Variants in LRBA observed in about 807,000 individuals in gnomAD.
LRBA encodes LPS responsive beige-like anchor protein.
In LRBA, 176 loss-of-function variants were observed where a neutral mutation model predicts 330.0. That is an observed-to-expected ratio of 0.53 (90% CI 0.47 to 0.60). LRBA has a LOEUF of 0.60. LRBA is among the 20% of genes least tolerant of loss of function. The pLI is 0.00. For synonymous variants in LRBA, 1,230 were observed against 1,193.0 expected (o/e 1.03, Z -0.64); for missense variants, 3,259 against 3,444.8 (o/e 0.95, Z 1.35).
At chr4:150,419,238 GGTGCACATAGGGAAGCTA>G (rs1228439751) in intron 46 of LRBA, among the ~76,000 whole-genome samples, 1 of 152,092 alleles carries the variant, frequency 6.6e-6, no homozygotes, top group Non-Finnish European at 1.5e-5. Context: ...CCCCATGCAT[GGTGCACATAGGGAAGCTA>G]GTCCCTTGGC....
chr4:150,948,351 A>G (rs1478759495), intron 2 of LRBA, among the ~76,000 whole-genome samples: 9 of 152,076 alleles, frequency 5.9e-5, no homozygotes, highest in African/African-American at 2.2e-4. Context: ...CAGTTTTAAC[A>G]AAAGTACAAA....
intron 37 of LRBA, among the ~76,000 whole-genome samples, chr4:150,648,168 A>AAAAAAAAAAAAAAAAAAAAAC (rs1561468379): frequency 1.4e-5 from 2 of 143,318 alleles, no homozygotes; most frequent in Non-Finnish European, 3.1e-5. Context: ...CAAAAAAAAA[A>AAAAAAAAAAAAAAAAAAAAAC]AAAAAAAAAC....
At chr4:150,473,052 C>T (rs775214920) in intron 42 of LRBA, among the ~76,000 whole-genome samples, 15 of 151,910 alleles carry the variant, frequency 9.9e-5, no homozygotes, top group African/African-American at 3.4e-4. Context: ...TTTGAGAAAC[C>T]GCCAAATTGT....
At chr4:150,882,205 A>C (rs1299700504) in intron 17 of LRBA, among the ~76,000 whole-genome samples, 2 of 152,240 alleles carry the variant, frequency 1.3e-5, no homozygotes, top group Non-Finnish European at 2.9e-5. Flanking sequence ...ACCTGAAATT[A>C]TTCTATGAAC....
At chr4:150,592,094 A>C (rs1772917533) in intron 38 of LRBA, among the ~76,000 whole-genome samples, 1 of 139,132 alleles carries the variant, frequency 7.2e-6, no homozygotes, top group Non-Finnish European at 1.5e-5. Context: ...GAGGTAAAGC[A>C]CCTGATCTAC....
intron 36 of LRBA, 102 bp from the exon 37 acceptor site, chr4:150,683,819 A>G: frequency 1.2e-6 from 1 of 823,088 alleles, no homozygotes; most frequent in Non-Finnish European, 1.9e-6. Flanking sequence ...CAAAATTTTA[A>G]ATCTACTTTT....
intron 40 of LRBA, among the ~76,000 whole-genome samples, chr4:150,522,491 G>A (rs1763023587): frequency 6.6e-6 from 1 of 152,152 alleles, no homozygotes; most frequent in African/African-American, 2.4e-5. Context: ...AGAGATCTTT[G>A]AGTCTGCCAC....
At chr4:150,696,424 C>T (rs551018238) in intron 36 of LRBA, among the ~76,000 whole-genome samples, 1 of 152,198 alleles carries the variant, frequency 6.6e-6, no homozygotes, top group South Asian at 2.1e-4. Context: ...CCCTGTGCCT[C>T]GGTTTCCTCA....
intron 40 of LRBA, among the ~76,000 whole-genome samples, chr4:150,528,952 T>C (rs1449157253): frequency 3.3e-5 from 5 of 152,198 alleles, no homozygotes; most frequent in African/African-American, 1.2e-4. Context: ...TGTTTTTCAT[T>C]TGGTATGCAT....
At chr4:150,390,823 C>CT (rs1378903464) in intron 47 of LRBA, among the ~76,000 whole-genome samples, 2 of 152,120 alleles carry the variant, frequency 1.3e-5, no homozygotes, top group African/African-American at 4.8e-5. Flanking sequence ...AGCAATAAGG[C>CT]TAAATAAACT....
At position 150,912,221 on chromosome 4, in the gene LRBA, A is replaced by G. The variant is rs570246709; in HGVS notation, c.1161+1974T>C. On this transcript the variant is annotated intron_variant, in intron 9 of 56. Coordinates refer to ENST00000651943, the MANE Select transcript of LRBA (RefSeq NM_001364905.1). ...TAACCAGGTATATGACCTGTTAGGA[A>G]CAACAGCAAGAAGTGAGCGGTGGGC... 2.0e-3 allele frequency among the ~76,000 whole-genome samples: 298 copies of G among 152,272 alleles called. 3 individuals carry two copies. Among genetic ancestry groups the G allele is most frequent in the African/African-American group, 6.9e-3 (285 of 41,560 alleles).
intron 40 of LRBA, among the ~76,000 whole-genome samples, chr4:150,572,850 T>C (rs983811677): frequency 6.6e-6 from 1 of 152,084 alleles, no homozygotes; most frequent in African/African-American, 2.4e-5. Flanking sequence ...CTGTCACCCA[T>C]TACCCATACT....
intron 36 of LRBA, among the ~76,000 whole-genome samples, chr4:150,732,412 A>G (rs1730569475): frequency 6.6e-6 from 1 of 152,048 alleles, no homozygotes; most frequent in Non-Finnish European, 1.5e-5. Flanking sequence ...TTCTGTTAAC[A>G]ATACAAAAGA....
In LRBA at chr4:150,908,760, G is replaced by A. The variant is rs1042175189; in HGVS notation, c.1259C>T (p.Thr420Met). Residue 420 changes from threonine to methionine, a missense_variant, in exon 10 of 57, where the codon ACG becomes ATG. By Grantham distance (81) the Thr-to-Met change is moderately conservative (BLOSUM62 -1). Coordinates refer to ENST00000651943, the MANE Select transcript of LRBA (RefSeq NM_001364905.1). ...DGKLSSAIAF[T>M]YNPRATDAQL... ...GGCATCTGTAGCCCGTGGATTGTAC[G>A]TGAATGCAATGGCACTAGAGAGTTT... is the stretch of plus-strand genomic sequence containing the variant. The A allele has an allele frequency of 6.2e-6, 10 of 1,613,400 alleles. No individual in the cohort carries two copies. Among genetic ancestry groups the A allele is most frequent in the African/African-American group, 2.7e-5 (2 of 74,916 alleles).
chr4:150,599,283 A>G (rs1179229870), intron 37 of LRBA, 152 bp from the exon 38 acceptor site: 2 of 717,712 alleles, frequency 2.8e-6, no homozygotes, highest in Non-Finnish European at 4.6e-6. Context: ...CCTTTCTGCA[A>G]TCTTTAACTT....
chr4:150,367,820 C>G (rs1739675017), intron 47 of LRBA, among the ~76,000 whole-genome samples: 1 of 152,070 alleles, frequency 6.6e-6, no homozygotes, highest in South Asian at 2.1e-4. Flanking sequence ...AATGTTTTAG[C>G]TAATTCGTTC....
At chr4:150,431,430 T>G (rs1330805011) in intron 46 of LRBA, among the ~76,000 whole-genome samples, 1 of 152,160 alleles carries the variant, frequency 6.6e-6, no homozygotes, top group African/African-American at 2.4e-5. Flanking sequence ...GCTCTGAATC[T>G]GCACTGCCCC....
intron 2 of LRBA, among the ~76,000 whole-genome samples, chr4:150,976,944 T>C (rs1740249680): frequency 6.6e-6 from 1 of 152,162 alleles, no homozygotes; most frequent in South Asian, 2.1e-4. Context: ...AGAAGAGAAC[T>C]GCACATCCCA....
chr4:150,578,623 A>G (rs746798277), intron 40 of LRBA, among the ~76,000 whole-genome samples: 1 of 152,194 alleles, frequency 6.6e-6, no homozygotes, highest in Non-Finnish European at 1.5e-5. Context: ...ACCTGACTCA[A>G]TTTTTTGAAG....
Sources: gnomAD v4.1 joint callset for allele counts (sites outside exome capture counted in the v4.1 genomes callset) on GRCh38, gnomAD v4.1.1 for gene constraint, MANE v1.5 for transcripts, NCBI Gene and HGNC (gene_info 2026-07-23, HGNC 2026-07-21) for gene names.